The following PCDH15 variants were observed in gnomAD, a reference collection of about 807,000 sequenced individuals.
PCDH15 encodes the protein protocadherin-15.
Under a neutral mutation model 178.5 loss-of-function variants are expected in PCDH15, and 129 were observed. The ratio of observed to expected loss-of-function variants is 0.72; its 90% CI spans 0.63 to 0.84. PCDH15 has a LOEUF of 0.84. Among genes scored for constraint, PCDH15 ranks in the 40% least tolerant of loss-of-function variants. The pLI is 0.00. For synonymous variants in PCDH15, 800 were observed against 732.0 expected (o/e 1.09, Z -1.50); for missense variants, 2,230 against 2,099.9 (o/e 1.06, Z -1.21).
chr10:53,868,470 G>A (rs1430812745), intron 26 of PCDH15, among the ~76,000 whole-genome samples: 2 of 152,066 alleles, frequency 1.3e-5, no homozygotes, highest in Admixed American at 6.5e-5. Context: ...TGATAGAAAT[G>A]TTCTTAACCA....
chr10:54,730,502 T>C (rs187435284), intron 1 of PCDH15, among the ~76,000 whole-genome samples: 1 of 151,628 alleles, frequency 6.6e-6, no homozygotes, highest in Admixed American at 6.6e-5. Flanking sequence ...TGGCATGCAA[T>C]TTACCTTGTA....
intron 3 of PCDH15, among the ~76,000 whole-genome samples, chr10:54,809,297 A>T (rs1591713483): frequency 1.3e-5 from 2 of 152,152 alleles, no homozygotes; most frequent in East Asian, 3.9e-4. Flanking sequence ...AAATAAAGGA[A>T]ATATAAAACT....
chr10:55,542,262 C>T (rs180753605), intron 2 of PCDH15, among the ~76,000 whole-genome samples: 136 of 150,378 alleles, frequency 9.0e-4, no homozygotes, highest in Admixed American at 8.6e-3. Flanking sequence ...CATGTATGTA[C>T]AGTATGTCTA....
At position 53,825,980 on chromosome 10, in the gene PCDH15, A is replaced by C. The variant is rs568484914; in HGVS notation, c.4367+1413T>G. 6.6e-5 allele frequency among the ~76,000 whole-genome samples: 10 copies of C among 151,764 alleles called. No individual in the cohort carries two copies. In the South Asian group the frequency reaches 2.1e-3, roughly 32 times the overall value. On this transcript the variant is annotated intron_variant, in intron 32 of 37. Coordinates refer to ENST00000644397, the MANE Select transcript of PCDH15 (RefSeq NM_001384140.1). Reference sequence around the variant, plus strand: ...ATGTTATAGTATACCTGTTCTTATTAATTTAAAATGAATACATAATTCATT... The same window carrying C: ...ATGTTATAGTATACCTGTTCTTATTCATTTAAAATGAATACATAATTCATT...
At chr10:54,786,228 A>C (rs1950862346) in intron 1 of PCDH15, among the ~76,000 whole-genome samples, 1 of 152,146 alleles carries the variant, frequency 6.6e-6, no homozygotes, top group South Asian at 2.1e-4. Context: ...ATGCTAGGAT[A>C]ATATCATCTG....
intron 2 of PCDH15, among the ~76,000 whole-genome samples, chr10:54,980,849 A>AT (rs1030031148): frequency 7.2e-5 from 11 of 151,980 alleles, no homozygotes; most frequent in African/African-American, 2.7e-4. Flanking sequence ...TCTTGAGTTC[A>AT]TTTTTTCAGA....
chr10:55,403,515 T>C (rs1343291), intron 2 of PCDH15, among the ~76,000 whole-genome samples: 69,801 of 151,784 alleles, frequency 0.46, 16,837 homozygotes, highest in Middle Eastern at 0.52. Flanking sequence ...GTATATTTAA[T>C]TTTTAATCTA....
chr10:54,321,096 TAA>T (rs935469354), intron 7 of PCDH15, among the ~76,000 whole-genome samples: 15 of 144,892 alleles, frequency 1.0e-4, no homozygotes, highest in Non-Finnish European at 1.7e-4. Context: ...CAATAACAAA[TAA>T]GTTAATAAAA....
At chr10:55,622,297 C>G (rs1837423456) in intron 2 of PCDH15, among the ~76,000 whole-genome samples, 1 of 150,856 alleles carries the variant, frequency 6.6e-6, no homozygotes, top group Non-Finnish European at 1.5e-5. Context: ...GCATAAGCCA[C>G]TGCGCCTGGC....
intron 3 of PCDH15, among the ~76,000 whole-genome samples, chr10:54,422,421 T>C (rs887967915): frequency 1.3e-5 from 2 of 152,138 alleles, no homozygotes; most frequent in African/African-American, 4.8e-5. Context: ...AAGTGGTCAA[T>C]AAAATATTGT....
intron 2 of PCDH15, among the ~76,000 whole-genome samples, chr10:54,943,727 T>A (rs140469992): frequency 2.4e-4 from 37 of 152,052 alleles, no homozygotes; most frequent in African/African-American, 7.9e-4. Flanking sequence ...AGAGCAAGTA[T>A]ATCTTAGAAT....
At position 54,758,598 on chromosome 10, in the gene PCDH15, AC is replaced by A. The variant is rs542002622; in HGVS notation, c.-29+42326del. Among the ~76,000 whole-genome samples the A allele has an allele frequency of 8.5e-5, 13 of 152,316 alleles. No individual in the cohort carries two copies. In the East Asian group the frequency reaches 2.5e-3, roughly 29 times the overall value. Reference sequence around the variant, plus strand: ...TCATATTAATGTAAAGTTTTATTTTACACTTCATTTGTGGCTACTTTTTTCC... The same window carrying A: ...TCATATTAATGTAAAGTTTTATTTTAACTTCATTTGTGGCTACTTTTTTCC... On this transcript the variant is annotated intron_variant, in intron 1 of 37. Transcript: ENST00000644397.
chr10:54,679,795 C>T (rs2094865876), intron 1 of PCDH15, among the ~76,000 whole-genome samples: 1 of 152,084 alleles, frequency 6.6e-6, no homozygotes, highest in Admixed American at 6.6e-5. Context: ...AAATGAATCC[C>T]TGGATATTCT....
intron 9 of PCDH15, among the ~76,000 whole-genome samples, chr10:54,236,349 G>A (rs568186849): frequency 2.6e-5 from 4 of 151,966 alleles, no homozygotes; most frequent in Admixed American, 1.3e-4. Context: ...TTAATATTTC[G>A]TGTTCCCTTG....
chr10:54,394,781 T>C (rs1358457415), intron 3 of PCDH15, among the ~76,000 whole-genome samples: 1 of 152,134 alleles, frequency 6.6e-6, no homozygotes, highest in Non-Finnish European at 1.5e-5. Context: ...GCCTCAACCC[T>C]AAGAGGCAGG....
chr10:54,220,252 T>C (rs12777774), intron 9 of PCDH15, among the ~76,000 whole-genome samples: 88,817 of 152,100 alleles, frequency 0.58, 27,923 homozygotes, highest in Non-Finnish European at 0.71. Flanking sequence ...ATAATCTCTT[T>C]ATTTGTAAAT....
intron 2 of PCDH15, among the ~76,000 whole-genome samples, chr10:54,930,380 G>A (rs1006200702): frequency 1.4e-4 from 21 of 152,086 alleles, no homozygotes; most frequent in Non-Finnish European, 2.9e-4. Context: ...CTCTTTCGCA[G>A]GAGACAGAGC....
intron 2 of PCDH15, among the ~76,000 whole-genome samples, chr10:55,346,983 G>A (rs1433401665): frequency 1.3e-5 from 2 of 152,228 alleles, no homozygotes; most frequent in African/African-American, 4.8e-5. Flanking sequence ...GGGGGGCTGA[G>A]GTGGGAGGAT....
intron 26 of PCDH15, among the ~76,000 whole-genome samples, chr10:53,878,318 T>C (rs575532685): frequency 0.02 from 1,241 of 60,650 alleles, 19 homozygotes; most frequent in African/African-American, 0.054. Context: ...ATATATTCTA[T>C]ATATATAGTC....
Sources: allele counts gnomAD v4.1 joint callset (sites outside exome capture counted in the v4.1 genomes callset), GRCh38; gene constraint gnomAD v4.1.1; transcripts MANE v1.5; gene names NCBI Gene and HGNC (gene_info 2026-07-23, HGNC 2026-07-21).